STK39: variants seen among roughly 807,000 people sequenced by gnomAD.
STK39 encodes the protein STE20/SPS1-related proline-alanine-rich protein kinase.
STK39 carries 20 observed loss-of-function variants against 77.8 expected under a neutral mutation model. The ratio of observed to expected loss-of-function variants is 0.26; its 90% CI spans 0.18 to 0.37. The LOEUF (loss-of-function observed/expected upper bound fraction) is 0.37, where lower values mean the gene tolerates loss of function less well. Among genes scored for constraint, STK39 ranks in the 10% least tolerant of loss-of-function variants. The pLI, the probability that STK39 is intolerant of heterozygous loss-of-function variation, is 1.00. For synonymous variants in STK39, 246 were observed against 234.1 expected, an observed-to-expected ratio of 1.05 and a Z score of -0.47; for missense variants, 479 against 656.5, an observed-to-expected ratio of 0.73 and a Z score of 2.95.
At chr2:168,227,201 C>T (rs1690330802) in intron 1 of STK39, among the ~76,000 whole-genome samples, 1 of 152,086 alleles carries the variant, frequency 6.6e-6, no homozygotes. Context: ...TAGATGTATA[C>T]ATAGAAAAAC....
chr2:168,190,809 A>G (rs1368704169), intron 1 of STK39, among the ~76,000 whole-genome samples: 1 of 152,182 alleles, frequency 6.6e-6, no homozygotes, highest in Non-Finnish European at 1.5e-5. Context: ...TGCAAACTCA[A>G]AGTCCAACGA....
intron 10 of STK39, among the ~76,000 whole-genome samples, chr2:168,094,484 A>T (rs901163125): frequency 6.6e-5 from 10 of 152,016 alleles, no homozygotes; most frequent in Non-Finnish European, 1.3e-4. Flanking sequence ...ACCCACTTGC[A>T]CTTCTTCATC....
At chr2:168,136,890 AG>A (rs1182004440) in intron 8 of STK39, among the ~76,000 whole-genome samples, 16 of 152,266 alleles carry the variant, frequency 1.1e-4, no homozygotes, top group Non-Finnish European at 1.2e-4. Context: ...ACATAGAAAT[AG>A]TACACAGGTA....
chr2:168,174,766 G>A (rs1260748368), intron 2 of STK39, among the ~76,000 whole-genome samples: 1 of 149,626 alleles, frequency 6.7e-6, no homozygotes, highest in African/African-American at 2.5e-5. Flanking sequence ...CCAAGCTGAG[G>A]TAGAAGGATC....
At chr2:168,014,648 C>G (rs769073373) in intron 15 of STK39, among the ~76,000 whole-genome samples, 30 of 152,044 alleles carry the variant, frequency 2.0e-4, no homozygotes, top group Non-Finnish European at 4.4e-5. Flanking sequence ...GGATGTTACC[C>G]AAATCTTTAG....
intron 17 of STK39, among the ~76,000 whole-genome samples, chr2:167,963,520 C>T (rs1160781822): frequency 2.0e-5 from 3 of 147,048 alleles, no homozygotes; most frequent in African/African-American, 5.0e-5. Flanking sequence ...TATACTCTCA[C>T]ATTAAAAAAA....
At chr2:168,001,109 A>C (rs937808831) in intron 16 of STK39, among the ~76,000 whole-genome samples, 1 of 152,160 alleles carries the variant, frequency 6.6e-6, no homozygotes, top group Non-Finnish European at 1.5e-5. Context: ...CTCAGCAGAC[A>C]CAGAATCTGG....
chr2:168,217,929 A>G (rs1690066950), intron 1 of STK39, among the ~76,000 whole-genome samples: 1 of 152,246 alleles, frequency 6.6e-6, no homozygotes, highest in African/African-American at 2.4e-5. Context: ...AGAAAAAAGC[A>G]TAACTACTAA....
chr2:168,223,420 G>A (rs1264470007), intron 1 of STK39, among the ~76,000 whole-genome samples: 1 of 150,178 alleles, frequency 6.7e-6, no homozygotes, highest in Non-Finnish European at 1.5e-5. Flanking sequence ...GGCGAGGCAG[G>A]AGAATTGCTT....
At chr2:168,195,440 G>A (rs1689444140) in intron 1 of STK39, among the ~76,000 whole-genome samples, 1 of 152,092 alleles carries the variant, frequency 6.6e-6, no homozygotes, top group Non-Finnish European at 1.5e-5. Flanking sequence ...CCATTGATTT[G>A]CCTCATTTGC....
intron 2 of STK39, among the ~76,000 whole-genome samples, chr2:168,174,522 T>A (rs548246434): frequency 1.3e-5 from 2 of 152,246 alleles, no homozygotes; most frequent in South Asian, 4.1e-4. Flanking sequence ...GAAGATGCCA[T>A]TTTCTTTTAT....
intron 1 of STK39, among the ~76,000 whole-genome samples, chr2:168,222,438 G>T (rs1690197001): frequency 6.6e-6 from 1 of 152,178 alleles, no homozygotes; most frequent in Admixed American, 6.5e-5. Flanking sequence ...GGTATTTTTA[G>T]AAGATTCCTC....
intron 16 of STK39, among the ~76,000 whole-genome samples, chr2:167,979,111 C>A (rs1683352613): frequency 6.6e-6 from 1 of 152,108 alleles, no homozygotes; most frequent in South Asian, 2.1e-4. Context: ...CTGAGTTCTG[C>A]TGTTACAAAA....
intron 16 of STK39, among the ~76,000 whole-genome samples, chr2:167,987,499 A>ATG (rs972848711): frequency 1.3e-5 from 2 of 152,176 alleles, no homozygotes; most frequent in African/African-American, 4.8e-5. Flanking sequence ...ATATATATAT[A>ATG]TAATACTTCT....
In STK39 at chr2:168,147,563, T is replaced by C. The variant is rs569788119; in HGVS notation, c.629-6805A>G. On this transcript the variant is annotated intron_variant, in intron 5 of 17. Transcript: ENST00000355999. ...TTTGTACTAGGATGTGTGTCAGTGG[T>C]GCAGCACCTACTTATGCCCGGTACA... 4.6e-5 allele frequency among the ~76,000 whole-genome samples: 7 copies of C among 151,742 alleles called. 1 individual carries two copies. The South Asian group carries it at 8.4e-4, about 18-fold the overall frequency.
At chr2:167,977,848 G>C (rs1683321159) in intron 16 of STK39, among the ~76,000 whole-genome samples, 1 of 152,150 alleles carries the variant, frequency 6.6e-6, no homozygotes, top group South Asian at 2.1e-4. Flanking sequence ...GTAATTCACA[G>C]AGTTGGCTGT....
rs147577958 is a variant in STK39, at chr2:168,195,696, A to T, written c.209-13606T>A. 5.0e-3 allele frequency among the ~76,000 whole-genome samples: 759 copies of T among 152,340 alleles called. 6 individuals are homozygous for T. The highest frequency in any genetic ancestry group is 0.017 in the Middle Eastern group (5 of 294). On this transcript the variant is annotated intron_variant, in intron 1 of 17. Transcript: ENST00000355999. ...AGTCCATCCAGTTAGAGTAACAAGA[A>T]CAAAATGAATGGATGAGTGTAAGAA...
rs1261994949 is a variant in STK39, at chr2:168,023,599, A to G, written c.1377-6504T>C. On this transcript the variant is annotated intron_variant, in intron 14 of 17. Transcript: ENST00000355999. Reference sequence around the variant, plus strand: ...AAAATGCCAGCTCAGAACTATTTGCATCCTTCAGCCTCACATTACCGTCTC... The same window carrying G: ...AAAATGCCAGCTCAGAACTATTTGCGTCCTTCAGCCTCACATTACCGTCTC... Among the ~76,000 whole-genome samples, 3 of 152,158 alleles carry G rather than the reference A, an allele frequency of 2.0e-5. No individual in the cohort carries two copies. The East Asian group carries it at 5.8e-4, about 29-fold the overall frequency.
chr2:168,138,019 C>T, intron 8 of STK39, 69 bp downstream of exon 8: 1 of 1,548,580 alleles, frequency 6.5e-7, no homozygotes, highest in Non-Finnish European at 8.7e-7. Context: ...AAAGCCTTTC[C>T]CCATCTACAA....
Sources: gnomAD v4.1 joint callset for allele counts (sites outside exome capture counted in the v4.1 genomes callset) on GRCh38, gnomAD v4.1.1 for gene constraint, MANE v1.5 for transcripts, NCBI Gene and HGNC (gene_info 2026-07-23, HGNC 2026-07-21) for gene names.